UNC45B: variants seen among roughly 807,000 people sequenced by gnomAD.
UNC45B encodes the protein protein unc-45 homolog B.
UNC45B carries 78 observed loss-of-function variants against 98.7 expected under a neutral mutation model. The observed-to-expected ratio is 0.79, with a 90% confidence interval of 0.66 to 0.95. UNC45B has a LOEUF of 0.95. Ranked by LOEUF, UNC45B falls within the 40% of genes least tolerant of loss-of-function variation. The probability of loss-of-function intolerance (pLI) is 0.00; values close to 1 mark genes in which losing one functional copy is unlikely to be tolerated. For synonymous variants in UNC45B, 462 were observed against 480.4 expected, an observed-to-expected ratio of 0.96 and a Z score of 0.50; for missense variants, 1,225 against 1,184.9, an observed-to-expected ratio of 1.03 and a Z score of -0.50.
chr17:35,156,637 G>T (rs1242130313), intron 7 of UNC45B, among the ~76,000 whole-genome samples: 2 of 151,998 alleles, frequency 1.3e-5, no homozygotes, highest in African/African-American at 4.8e-5. Context: ...AAAAAAAAAG[G>T]TTAAAATGGT....
Position 35,155,428 on chromosome 17 carries a change from C to G in UNC45B, c.772C>G (p.Arg258Gly). The change falls in exon 7 of 20, where the codon CGG becomes GGG. Residue 258 changes from arginine to glycine, a missense_variant. Coordinates refer to ENST00000394570, the MANE Select transcript of UNC45B (RefSeq NM_001267052.2). ...TGACTCCTTGTCTGGGGAGGACAAG[C>G]GGGAGCATCGAGGGAAGGAGGAGGC... is the stretch of plus-strand genomic sequence containing the variant. The part of the protein sequence containing the change: ...IIDSLSGEDK[R>G]EHRGKEEALV... 1.9e-6 allele frequency: 3 copies of G among 1,614,086 alleles called. No homozygotes were observed. The highest frequency in any genetic ancestry group is 2.5e-6 in the Non-Finnish European group (3 of 1,180,016).
intron 7 of UNC45B, among the ~76,000 whole-genome samples, chr17:35,157,916 A>G (rs972232332): frequency 6.6e-6 from 1 of 152,114 alleles, no homozygotes; most frequent in Non-Finnish European, 1.5e-5. Context: ...AGTCTTGTCT[A>G]TCATTCAGGC....
chr17:35,149,414 T>C (rs2092000452), intron 3 of UNC45B, among the ~76,000 whole-genome samples: 1 of 151,986 alleles, frequency 6.6e-6, no homozygotes, highest in South Asian at 2.1e-4. Flanking sequence ...TTTTTTGGGT[T>C]TTGTTTTGTT....
intron 9 of UNC45B, chr17:35,164,487 G>T (rs1384657719): frequency 2.4e-5 from 5 of 205,334 alleles, no homozygotes; most frequent in Non-Finnish European, 4.9e-5. Context: ...AGACCTCTCT[G>T]CAGCCTGCTG....
intron 10 of UNC45B, among the ~76,000 whole-genome samples, chr17:35,169,593 G>A (rs910531288): frequency 3.3e-5 from 5 of 152,234 alleles, no homozygotes; most frequent in Non-Finnish European, 5.9e-5. Context: ...TCAAAATGGT[G>A]GGGGAAGGGG....
intron 18 of UNC45B, among the ~76,000 whole-genome samples, chr17:35,181,097 T>C (rs1301962710): frequency 1.3e-5 from 2 of 152,258 alleles, no homozygotes; most frequent in Non-Finnish European, 2.9e-5. Context: ...TCAGCCATTT[T>C]AGGATGTCTC....
rs7225573 is a variant in UNC45B, at chr17:35,181,588, C to T, written c.2373+912C>T. Among the ~76,000 whole-genome samples the T allele has an allele frequency of 3.6e-3, 542 of 152,156 alleles. 2 individuals carry two copies. The highest frequency in any genetic ancestry group is 0.012 in the African/African-American group (518 of 41,496). On this transcript the variant is annotated intron_variant, in intron 18 of 19. Transcript: ENST00000394570. ...GATGCGTCACTTGAAGTCAGGAATT[C>T]GAGACCAGCCTGGCCAACATGGCAA...
At chr17:35,153,576 G>A (rs1038727629) in intron 5 of UNC45B, among the ~76,000 whole-genome samples, 1 of 151,982 alleles carries the variant, frequency 6.6e-6, no homozygotes, top group Non-Finnish European at 1.5e-5. Context: ...GAGAGACAAT[G>A]GGGAATTTTT....
intron 17 of UNC45B, among the ~76,000 whole-genome samples, chr17:35,179,902 T>TAA (rs35601792): frequency 4.0e-5 from 6 of 149,722 alleles, no homozygotes; most frequent in Non-Finnish European, 7.4e-5. Context: ...CTTAAAGTAT[T>TAA]AAAAAAAAAA....
chr17:35,149,833 A>G (rs539772127), intron 3 of UNC45B, among the ~76,000 whole-genome samples: 39 of 152,324 alleles, frequency 2.6e-4, no homozygotes, highest in South Asian at 4.1e-4. Context: ...ATTGGATGAC[A>G]TGACCCCCAA....
chr17:35,151,516 G>A (rs529212233), intron 4 of UNC45B, among the ~76,000 whole-genome samples: 7 of 152,106 alleles, frequency 4.6e-5, no homozygotes, highest in African/African-American at 9.7e-5. Context: ...AGTAGGATGC[G>A]GAGAACCTGG....
intron 1 of UNC45B, 99 bp from the exon 2 acceptor site, chr17:35,148,165 G>A: frequency 7.4e-7 from 1 of 1,358,082 alleles, no homozygotes; most frequent in Non-Finnish European, 1.0e-6. Flanking sequence ...CATCCTCTCT[G>A]GTGTGAGGGG....
intron 8 of UNC45B, among the ~76,000 whole-genome samples, chr17:35,160,561 T>C (rs956523234): frequency 6.6e-6 from 1 of 152,154 alleles, no homozygotes; most frequent in Non-Finnish European, 1.5e-5. Context: ...CCCCTCAGCC[T>C]CCCGAGTAGC....
chr17:35,151,298 G>A (rs1597904351), intron 4 of UNC45B: 2 of 164,722 alleles, frequency 1.2e-5, no homozygotes. Flanking sequence ...GAGCGGCGCC[G>A]GGGAGTGGGT....
chr17:35,188,672 T>A lies in UNC45B; in HGVS notation c.*2113T>A, dbSNP rs997537822. The A allele has an allele frequency of 6.6e-6, 1 of 152,180 alleles. No individual in the cohort carries two copies. Among genetic ancestry groups the A allele is most frequent in the African/African-American group, 2.4e-5 (1 of 41,434 alleles). 9.4% of individuals were successfully genotyped at this position (152,180 alleles called of 1,614,324 possible). ...AATTTTTTTTTGTAGAGACAGGGTC[T>A]CACTATGTTGCCCAGTCTGGGAGAC... On this transcript the variant is annotated 3_prime_UTR_variant, in exon 20 of 20. Transcript: ENST00000394570.
At chr17:35,169,006 C>T (rs1381449269) in intron 10 of UNC45B, among the ~76,000 whole-genome samples, 1 of 151,046 alleles carries the variant, frequency 6.6e-6, no homozygotes, top group Non-Finnish European at 1.5e-5. Flanking sequence ...TGTGCCTGGC[C>T]TGAAATTATT....
At chr17:35,152,090 A>T (rs12452124) in intron 4 of UNC45B, among the ~76,000 whole-genome samples, 36,808 of 152,082 alleles carry the variant, frequency 0.24, 5,222 homozygotes, top group East Asian at 0.4. Context: ...TATTAAAAAT[A>T]AAAAAATTAG....
chr17:35,167,316 C>T (rs961044248), intron 9 of UNC45B, among the ~76,000 whole-genome samples: 1 of 152,142 alleles, frequency 6.6e-6, no homozygotes, highest in African/African-American at 2.4e-5. Context: ...CCCAGGGAAG[C>T]CAGTATGCAA....
intron 7 of UNC45B, among the ~76,000 whole-genome samples, chr17:35,158,411 T>C (rs964704093): frequency 6.6e-6 from 1 of 152,204 alleles, no homozygotes; most frequent in African/African-American, 2.4e-5. Context: ...CAAGCCCCAA[T>C]GTGCAAGTGC....
Sources: gnomAD v4.1 joint callset for allele counts (sites outside exome capture counted in the v4.1 genomes callset) on GRCh38, gnomAD v4.1.1 for gene constraint, MANE v1.5 for transcripts, NCBI Gene and HGNC (gene_info 2026-07-23, HGNC 2026-07-21) for gene names.